The following AMZ1 variants were observed in gnomAD, a reference collection of about 807,000 sequenced individuals.
The protein encoded by AMZ1 is archaemetzincin-1.
A neutral mutation model predicts 29.9 loss-of-function variants in AMZ1; 39 were observed. The observed-to-expected ratio is 1.30, with a 90% CI of 1.01 to 1.70. The LOEUF (loss-of-function observed/expected upper bound fraction) is 1.70, where lower values mean the gene tolerates loss of function less well. AMZ1 is among the 40% of genes most tolerant of loss of function. The pLI, the probability that AMZ1 is intolerant of heterozygous loss-of-function variation, is 0.00. For missense variants in AMZ1, 1,041 were observed against 680.6 expected (o/e 1.53, Z -5.89); for synonymous variants, 458 against 304.0 (o/e 1.51, Z -5.27).
chr7:2,747,782 C>G (rs1049845142), intron 4 of AMZ1, among the ~76,000 whole-genome samples: 1 of 152,206 alleles, frequency 6.6e-6, no homozygotes, highest in East Asian at 1.9e-4. Flanking sequence ...ACCCCATCAT[C>G]TCAGCCCAAA....
upstream of AMZ1, among the ~76,000 whole-genome samples, chr7:2,761,162 G>A (rs755612118): frequency 1.2e-4 from 18 of 152,252 alleles, no homozygotes; most frequent in African/African-American, 2.2e-4. Flanking sequence ...AACCACGGCC[G>A]CCTCACCGAG....
intron 4 of AMZ1, among the ~76,000 whole-genome samples, chr7:2,735,751 G>C (rs1053173384): frequency 2.0e-5 from 3 of 152,198 alleles, no homozygotes; most frequent in African/African-American, 7.2e-5. Flanking sequence ...TCTTGCATGA[G>C]TGGCGGAGGA....
chr7:2,712,489 C>T lies in AMZ1; in HGVS notation c.1108C>T (p.Pro370Ser). The T allele has an allele frequency of 6.2e-7, 1 of 1,610,036 alleles. No homozygotes were observed. Among genetic ancestry groups the T allele is most frequent in the Non-Finnish European group, 8.5e-7 (1 of 1,178,898 alleles). ...PGTSVSEPLT[P>S]DAGSHTFASG... is the part of the protein sequence containing the mutation. ...CACCAGTGTGTCGGAGCCCCTCACC[C>T]CTGATGCCGGGAGTCACACCTTCGC... The change falls in exon 7 of 7, where the codon CCT becomes TCT. Residue 370 changes from proline (P) to serine (S), a missense_variant. Physicochemically the swap from Pro to Ser is moderately conservative, Grantham distance 74. Coordinates refer to ENST00000683327, the MANE Select transcript of AMZ1 (RefSeq NM_001384743.1).
chr7:2,712,380 G>C lies in AMZ1; in HGVS notation c.999G>C (p.Glu333Asp). The C allele has an allele frequency of 1.2e-6, 2 of 1,607,568 alleles. No individual in the cohort carries two copies. The highest frequency in any genetic ancestry group is 1.7e-6 in the Non-Finnish European group (2 of 1,177,080). The change falls in exon 7 of 7, where the codon GAG (glutamate) becomes GAC (aspartate). Residue 333 changes from glutamate to aspartate, a missense_variant. Transcript: ENST00000683327. ...QAVVGTWPSQ[E>D]AGEPSVWEDT... ...TGGTGGGGACGTGGCCCAGCCAGGA[G>C]GCGGGGGAGCCGTCAGTGTGGGAGG...
At chr7:2,695,048 G>T (rs1672511732) in intron 1 of AMZ1, among the ~76,000 whole-genome samples, 1 of 152,144 alleles carries the variant, frequency 6.6e-6, no homozygotes, top group African/African-American at 2.4e-5. Context: ...GCCTCTTTTG[G>T]AACCACTGAT....
intron 4 of AMZ1, among the ~76,000 whole-genome samples, chr7:2,755,793 G>C (rs762904186): frequency 2.6e-5 from 4 of 152,128 alleles, no homozygotes; most frequent in Non-Finnish European, 5.9e-5. Context: ...TTTCTTTACT[G>C]AAAACTGAAG....
At chr7:2,737,262 C>G (rs1223874434) in intron 4 of AMZ1, among the ~76,000 whole-genome samples, 2 of 119,594 alleles carry the variant, frequency 1.7e-5, no homozygotes, top group African/African-American at 6.2e-5. Flanking sequence ...AGCTATCTCA[C>G]AGTTTTGTTT....
rs1256186809 is a variant in AMZ1 at position 2,719,072 on chromosome 7, C to T, written c.*6194C>T. Among the ~76,000 whole-genome samples the T allele has an allele frequency of 6.6e-6, 1 of 151,790 alleles. No homozygotes were observed. The highest frequency in any genetic ancestry group is 2.4e-5 in the African/African-American group (1 of 41,288). On this transcript the variant is annotated 3_prime_UTR_variant, in exon 7 of 7. Coordinates refer to ENST00000683327, the MANE Select transcript of AMZ1 (RefSeq NM_001384743.1). ...AAACTTCTACCACATTCTACCTGTG[C>T]CCTTCTGGGTGGGTGGTGGCCGTCC... is the stretch of plus-strand genomic sequence containing the variant.
chr7:2,709,054 CT>C lies in AMZ1; in HGVS notation c.602-19del. 1 of 1,551,980 alleles carries C rather than the reference CT, an allele frequency of 6.4e-7. No homozygotes were observed. Among genetic ancestry groups the C allele is most frequent in the Non-Finnish European group, 8.7e-7 (1 of 1,150,780 alleles). ...GCCAAGGCTGACCCCTGAGAGTGCC[CT>C]TCTCTCCATCTCTCTCCAGAAGTGG... On this transcript the variant is annotated intron_variant, in intron 4 of 6. Coordinates refer to ENST00000683327, the MANE Select transcript of AMZ1 (RefSeq NM_001384743.1).
At chr7:2,694,669 ATATTT>A (rs1425737187) in intron 1 of AMZ1, among the ~76,000 whole-genome samples, 22 of 140,710 alleles carry the variant, frequency 1.6e-4, no homozygotes, top group African/African-American at 4.7e-4. Flanking sequence ...TATATAATAT[ATATTT>A]TATTTATTTT....
Position 2,708,653 on chromosome 7 carries a change from C to G in AMZ1, c.538C>G (p.Leu180Val), listed in dbSNP as rs374954585. Reference sequence around the variant, plus strand: ...CGCGCTGTGTGTGCTGGGCCTCACACTGTCTGACCTGTACCCCCATGAGGC... The same window carrying G: ...CGCGCTGTGTGTGCTGGGCCTCACAGTGTCTGACCTGTACCCCCATGAGGC... ...GDALCVLGLTLSDLYPHEAWS... is the reference protein window; with the variant it reads ...GDALCVLGLTVSDLYPHEAWS... Residue 180 changes from leucine to valine, a missense_variant, in exon 4 of 7, where the codon CTG becomes GTG. Leu to Val is a conservative substitution (Grantham distance 32). Transcript: ENST00000683327. 31 of 1,613,148 alleles carry G rather than the reference C, an allele frequency of 1.9e-5. No individual in the cohort carries two copies. The highest frequency in any genetic ancestry group is 1.7e-4 in the Middle Eastern group (1 of 6,060).
In AMZ1 at chr7:2,733,541, G is replaced by C. The variant is rs753580852; in HGVS notation, n.550+23725G>C. 2.6e-6 allele frequency: 4 copies of C among 1,517,956 alleles called. No homozygotes were observed. In the Admixed American group the frequency reaches 6.7e-5, roughly 25 times the overall value. 94.0% of individuals were successfully genotyped at this position (1,517,956 alleles called of 1,614,324 possible). A position where few individuals can be genotyped will look rare whatever the true frequency, so the allele number is the denominator to read the frequency against. ...GAATATTCACAGCTCAGTCTGGACT[G>C]AGGAATCCTGATGTGGCAAATACAA... On this transcript the variant is annotated intron_variant and non_coding_transcript_variant, in intron 4 of 4. Transcript: ENST00000489665.
chr7:2,708,986 T>A, intron 4 of AMZ1, 89 bp from the exon 5 acceptor site: 2 of 1,446,580 alleles, frequency 1.4e-6, no homozygotes, highest in Non-Finnish European at 1.8e-6. Flanking sequence ...CATGGCCAGC[T>A]TGCATGAGAG....
At chr7:2,727,372 G>A (rs1163170612) in intron 4 of AMZ1, among the ~76,000 whole-genome samples, 2 of 152,068 alleles carry the variant, frequency 1.3e-5, no homozygotes, top group Non-Finnish European at 2.9e-5. Flanking sequence ...GAGCCACTGC[G>A]CCCGGCCATC....
chr7:2,684,746 G>A (rs568911331), upstream of AMZ1, among the ~76,000 whole-genome samples: 14 of 152,308 alleles, frequency 9.2e-5, no homozygotes, highest in South Asian at 2.9e-3. Context: ...GGGGGTCCTG[G>A]CACTGGGCAT....
At chr7:2,737,274 G>GTTTTGTTTTT (rs1790242698) in intron 4 of AMZ1, among the ~76,000 whole-genome samples, 1 of 35,032 alleles carries the variant, frequency 2.9e-5, no homozygotes, top group African/African-American at 9.9e-5. Flanking sequence ...GTTTTGTTTT[G>GTTTTGTTTTT]TTTTTTTTTT....
intron 4 of AMZ1, among the ~76,000 whole-genome samples, chr7:2,739,051 G>C (rs565452027): frequency 6.6e-6 from 1 of 152,224 alleles, no homozygotes; most frequent in Non-Finnish European, 1.5e-5. Context: ...CTCTACAACT[G>C]TAAGCTCAGG....
chr7:2,692,267 G>C (rs964045788), intron 1 of AMZ1, among the ~76,000 whole-genome samples: 1 of 152,184 alleles, frequency 6.6e-6, no homozygotes, highest in Non-Finnish European at 1.5e-5. Context: ...TTGGCCGGGC[G>C]TGGTGGCTCA....
intron 2 of AMZ1, chr7:2,702,153 T>G (rs968536592): frequency 9.8e-5 from 15 of 153,300 alleles, no homozygotes; most frequent in African/African-American, 3.1e-4. Flanking sequence ...TGATCTGGTG[T>G]GTGCATCCCT....
Sources: gnomAD v4.1 joint callset for allele counts (sites outside exome capture counted in the v4.1 genomes callset) on GRCh38, gnomAD v4.1.1 for gene constraint, MANE v1.5 for transcripts, NCBI Gene and HGNC (gene_info 2026-07-23, HGNC 2026-07-21) for gene names.